Variants in GYPC observed in about 807,000 individuals in gnomAD.
GYPC encodes the protein glycophorin C (Gerbich blood group), also known as glycophorin-C.
A neutral mutation model predicts 12.6 loss-of-function variants in GYPC; 14 were observed. The observed-to-expected ratio is 1.11, with a 90% CI of 0.74 to 1.74. The LOEUF is 1.74. GYPC is among the 40% of genes most tolerant of loss of function. The pLI is 0.00. For missense variants in GYPC, 225 were observed against 172.1 expected, an observed-to-expected ratio of 1.31 and a Z score of -1.72; for synonymous variants, 78 against 62.1, an observed-to-expected ratio of 1.26 and a Z score of -1.20.
rs1210506051 is a variant in GYPC at position 126,684,858 on chromosome 2, A to T, written c.50-5397A>T. On this transcript the variant is annotated intron_variant, in intron 1 of 3. Transcript: ENST00000259254. ...TCGTCAATGCTCATTTTGACGCTTC[A>T]TCACATAGAGACTGTGGGCAGTCTG... Among the ~76,000 whole-genome samples, 2 of 152,128 alleles carry T rather than the reference A, an allele frequency of 1.3e-5. 1 individual carries two copies. The highest frequency in any genetic ancestry group is 2.9e-5 in the Non-Finnish European group (2 of 68,036).
At chr2:126,688,052 C>T (rs1683341411) in intron 1 of GYPC, among the ~76,000 whole-genome samples, 5 of 152,178 alleles carry the variant, frequency 3.3e-5, no homozygotes, top group Non-Finnish European at 7.3e-5. Context: ...GCTGCCAAAT[C>T]TGGAAAATGG....
chr2:126,687,416 C>T (rs1683322437), intron 1 of GYPC, among the ~76,000 whole-genome samples: 1 of 152,140 alleles, frequency 6.6e-6, no homozygotes, highest in African/African-American at 2.4e-5. Flanking sequence ...TAACAGGCTC[C>T]CAGAGGATGC....
At chr2:126,683,769 C>G (rs1683212928) in intron 1 of GYPC, among the ~76,000 whole-genome samples, 1 of 152,186 alleles carries the variant, frequency 6.6e-6, no homozygotes, top group Non-Finnish European at 1.5e-5. Flanking sequence ...ATCCCAAAAG[C>G]AAGTGACTAG....
chr2:126,666,438 A>G (rs987241314), intron 1 of GYPC, among the ~76,000 whole-genome samples: 6 of 152,210 alleles, frequency 3.9e-5, no homozygotes, highest in Non-Finnish European at 5.9e-5. Flanking sequence ...TCCACTCTTC[A>G]TTCGAGACAT....
intron 1 of GYPC, among the ~76,000 whole-genome samples, chr2:126,666,176 G>C (rs1322498823): frequency 6.6e-6 from 1 of 152,172 alleles, no homozygotes; most frequent in Non-Finnish European, 1.5e-5. Flanking sequence ...TGACAGTCCT[G>C]CCAGCCCAGG....
chr2:126,673,018 A>G (rs1682893428), intron 1 of GYPC, among the ~76,000 whole-genome samples: 1 of 152,080 alleles, frequency 6.6e-6, no homozygotes, highest in South Asian at 2.1e-4. Flanking sequence ...CCAGAAGGCA[A>G]GTCACACTCG....
rs142553524 is a variant in GYPC at position 126,692,309 on chromosome 2, C to A, written c.107-1555C>A. On this transcript the variant is annotated intron_variant, in intron 2 of 3. Coordinates refer to ENST00000259254, the MANE Select transcript of GYPC (RefSeq NM_002101.5). The stretch of plus-strand genomic sequence containing the variant: ...AAGCTCCTTGGTGGCCCCAGACACC[C>A]CTAGCTTGGCCCATCTGTGTCCTGC... Among the ~76,000 whole-genome samples the A allele has an allele frequency of 3.8e-3, 574 of 152,180 alleles. 2 individuals are homozygous for A. The highest frequency in any genetic ancestry group is 6.4e-3 in the Non-Finnish European group (432 of 68,008).
At chr2:126,690,400 T>G in intron 2 of GYPC, 89 bp downstream of exon 2, 1 of 984,388 alleles carries the variant, frequency 1.0e-6, no homozygotes, top group South Asian at 1.3e-5. Flanking sequence ...GCAGCCAGGG[T>G]TGGGGGACTT....
At chr2:126,684,753 T>C (rs1020803002) in intron 1 of GYPC, among the ~76,000 whole-genome samples, 1 of 152,216 alleles carries the variant, frequency 6.6e-6, no homozygotes, top group Non-Finnish European at 1.5e-5. Flanking sequence ...GGCACAATTA[T>C]GAGCATCCCC....
At chr2:126,661,514 G>A (rs576286013) in intron 1 of GYPC, among the ~76,000 whole-genome samples, 104 of 150,192 alleles carry the variant, frequency 6.9e-4, no homozygotes, top group African/African-American at 1.7e-3. Context: ...GTGCAATGGC[G>A]CAATCTTGGC....
intron 1 of GYPC, among the ~76,000 whole-genome samples, chr2:126,687,673 C>T (rs946976766): frequency 3.3e-5 from 5 of 152,180 alleles, no homozygotes; most frequent in Admixed American, 6.5e-5. Flanking sequence ...CTGCCCACCA[C>T]GCTCCTCAGA....
In GYPC at chr2:126,690,277, T is replaced by C. The variant is rs1683419861; in HGVS notation, c.72T>C (p.Ser24=). 2 of 1,613,162 alleles carry C rather than the reference T, an allele frequency of 1.2e-6. No individual in the cohort carries two copies. The highest frequency in any genetic ancestry group is 3.3e-5 in the Admixed American group (2 of 59,994). Residue 24 remains serine, a synonymous_variant, in exon 2 of 4, where the codon TCT becomes TCC. Coordinates refer to ENST00000259254, the MANE Select transcript of GYPC (RefSeq NM_002101.5). ...LSLEPDPGMA[S]ASTTMHTTTI... is the part of the protein sequence containing the mutation. ...CAGAGCCTGATCCGGGGATGGCCTC[T>C]GCCTCCACCACAATGCATACTACCA...
At chr2:126,685,514 A>T (rs1207099970) in intron 1 of GYPC, among the ~76,000 whole-genome samples, 1 of 151,984 alleles carries the variant, frequency 6.6e-6, no homozygotes, top group Non-Finnish European at 1.5e-5. Flanking sequence ...CCTCCTGAGT[A>T]GCTGGGATTA....
intron 1 of GYPC, chr2:126,686,732 A>G (rs1037877781): frequency 4.1e-6 from 4 of 978,864 alleles, no homozygotes; most frequent in Admixed American, 1.2e-4. Flanking sequence ...TCTTTCCAAA[A>G]AATAGGTCCT....
At chr2:126,662,786 C>G (rs1243758956) in intron 1 of GYPC, among the ~76,000 whole-genome samples, 3 of 152,192 alleles carry the variant, frequency 2.0e-5, no homozygotes, top group African/African-American at 7.2e-5. Flanking sequence ...GATAAACATC[C>G]TAGTGTAGTG....
intron 2 of GYPC, among the ~76,000 whole-genome samples, chr2:126,691,808 C>T (rs779475368): frequency 5.3e-5 from 8 of 152,274 alleles, no homozygotes; most frequent in East Asian, 1.9e-4. Context: ...TCTCTTCTAA[C>T]GCTGATTGTG....
intron 1 of GYPC, chr2:126,678,576 G>GGAGGAGAAGCCTTCTAGGGAAT (rs1446977209): frequency 2.0e-5 from 3 of 152,380 alleles, no homozygotes; most frequent in Admixed American, 2.0e-4. Context: ...TGGCTAGGGA[G>GGAGGAGAAGCCTTCTAGGGAAT]GAGGAGAAGC....
In GYPC at chr2:126,689,077, GC is replaced by G. The variant is rs561211072; in HGVS notation, c.50-1176del. Among the ~76,000 whole-genome samples, 134 of 152,234 alleles carry G rather than the reference GC, an allele frequency of 8.8e-4. 1 individual carries two copies. The highest frequency in any genetic ancestry group is 1.6e-4 in the Non-Finnish European group (11 of 68,020). ...TGTCCTAGACATCCTACCCTCTTTG[GC>G]CAGGCCATTAAGCTGTGAAAAAACA... is the stretch of plus-strand genomic sequence containing the variant. On this transcript the variant is annotated intron_variant, in intron 1 of 3. Coordinates refer to ENST00000259254, the MANE Select transcript of GYPC (RefSeq NM_002101.5).
At chr2:126,664,619 A>G (rs1219775843) in intron 1 of GYPC, among the ~76,000 whole-genome samples, 1 of 152,232 alleles carries the variant, frequency 6.6e-6, no homozygotes, top group Non-Finnish European at 1.5e-5. Flanking sequence ...CAGCTATACA[A>G]TATGATTTCT....
Sources: allele counts gnomAD v4.1 joint callset (sites outside exome capture counted in the v4.1 genomes callset), GRCh38; gene constraint gnomAD v4.1.1; transcripts MANE v1.5; gene names NCBI Gene and HGNC (gene_info 2026-07-23, HGNC 2026-07-21).